The following WDR33 variants were observed in gnomAD, a reference collection of about 807,000 sequenced individuals.
WDR33 encodes the protein pre-mRNA 3' end processing protein WDR33.
WDR33 carries 47 observed loss-of-function variants against 164.9 expected under a neutral mutation model. That is an observed-to-expected ratio of 0.29 (90% confidence interval 0.23 to 0.36). WDR33 has a LOEUF of 0.36. Among genes scored for constraint, WDR33 ranks in the 10% least tolerant of loss-of-function variants. The pLI is 1.00. For synonymous variants in WDR33, 505 were observed against 589.0 expected (o/e 0.86, Z 2.06); for missense variants, 1,137 against 1,754.1 (o/e 0.65, Z 6.28).
chr2:127,716,256 G>C lies in WDR33; in HGVS notation c.2869+899C>G, dbSNP rs1233436892. On this transcript the variant is annotated intron_variant, in intron 17 of 21. Transcript: ENST00000322313. This position sits in a 1 kb window ranked among gnomAD's most constrained non-coding sequence, Gnocchi z 4.5. The stretch of plus-strand genomic sequence containing the variant: ...AGTCCTAGGGCTGTAATGCTGACAA[G>C]GACTTTTCTTAATTGGATAAAACGG... Among the ~76,000 whole-genome samples the C allele has an allele frequency of 6.6e-6, 1 of 152,128 alleles. No homozygotes were observed. The highest frequency in any genetic ancestry group is 1.5e-5 in the Non-Finnish European group (1 of 68,018).
Position 127,720,787 on chromosome 2 carries a change from T to C in WDR33, c.1672-434A>G, listed in dbSNP as rs1686419965. ...ATTGCCCAGGCTGATCTCAAACTCC[T>C]GGGTTCAGCTGATCCTCCCGCCTCG... On this transcript the variant is annotated intron_variant, in intron 15 of 21. Transcript: ENST00000322313. The surrounding 1 kb of genome is among the most constrained non-coding windows in gnomAD (Gnocchi z 5.9). Among the ~76,000 whole-genome samples the C allele has an allele frequency of 6.6e-6, 1 of 152,282 alleles. No homozygotes were observed. Among genetic ancestry groups the C allele is most frequent in the South Asian group, 2.1e-4 (1 of 4,828 alleles).
Position 127,701,852 on chromosome 2 carries a change from C to T in WDR33, c.*4471G>A, listed in dbSNP as rs1267651332. 6.9e-7 allele frequency: 1 copy of T among 1,458,916 alleles called. No homozygotes were observed. The highest frequency in any genetic ancestry group is 3.1e-5 in the East Asian group (1 of 32,490). The allele number at this position is 1,458,916 out of a possible 1,614,324, so 90.4% of individuals were successfully genotyped here. A position where few individuals can be genotyped will look rare whatever the true frequency, so the allele number is the denominator to read the frequency against. Reference sequence around the variant, plus strand: ...TGTTGCTGCTGCGCGCGCGCAAGTTCGCGCTGCTCTGGTCACTGGGCTCGG... The same window carrying T: ...TGTTGCTGCTGCGCGCGCGCAAGTTTGCGCTGCTCTGGTCACTGGGCTCGG... On this transcript the variant is annotated 3_prime_UTR_variant, in exon 22 of 22. Coordinates refer to ENST00000322313, the MANE Select transcript of WDR33 (RefSeq NM_018383.5).
intron 1 of WDR33, among the ~76,000 whole-genome samples, chr2:127,780,005 G>A (rs1235370691): frequency 1.4e-5 from 2 of 144,948 alleles, no homozygotes; most frequent in African/African-American, 2.6e-5. Context: ...ACGGAGTCTC[G>A]CTCTGTCGCC....
chr2:127,778,297 C>T (rs1171113411), intron 1 of WDR33, among the ~76,000 whole-genome samples: 2 of 151,836 alleles, frequency 1.3e-5, no homozygotes, highest in Admixed American at 1.3e-4. Flanking sequence ...ATTAGCTGGG[C>T]GTGGTGGCTG....
At position 127,713,433 on chromosome 2, in the gene WDR33, T is replaced by A. The variant is rs1033023571; in HGVS notation, c.3308+150A>T. The A allele has an allele frequency of 2.7e-5, 24 of 902,894 alleles. No individual in the cohort carries two copies. The highest frequency in any genetic ancestry group is 5.0e-5 in the African/African-American group (3 of 59,742). The allele number at this position is 902,894 out of a possible 1,614,324, so 55.9% of individuals were successfully genotyped here. ...CTAAGGTTAAAAAGCACACTTTTTTTAAACGTCCAAATGCAAACTCTACAG... is the reference window on the plus strand; with the variant it reads ...CTAAGGTTAAAAAGCACACTTTTTTAAAACGTCCAAATGCAAACTCTACAG... On this transcript the variant is annotated intron_variant, in intron 18 of 21. Coordinates refer to ENST00000322313, the MANE Select transcript of WDR33 (RefSeq NM_018383.5). The surrounding 1 kb of genome is among the most constrained non-coding windows in gnomAD (Gnocchi z 6.2).
chr2:127,709,365 A>T lies in WDR33; in HGVS notation c.3565+125T>A. The T allele has an allele frequency of 1.1e-6, 1 of 887,972 alleles. No homozygotes were observed. Among genetic ancestry groups the T allele is most frequent in the Non-Finnish European group, 1.8e-6 (1 of 554,982 alleles). The allele number at this position is 887,972 out of a possible 1,614,324, so 55.0% of individuals were successfully genotyped here. A position where few individuals can be genotyped will look rare whatever the true frequency, so the allele number is the denominator to read the frequency against. ...AAGTGCTGCGGCTGCAGGACAGGAGACAGCCCAGCCCCCCGGGAGACATGA... is the reference window on the plus strand; with the variant it reads ...AAGTGCTGCGGCTGCAGGACAGGAGTCAGCCCAGCCCCCCGGGAGACATGA... On this transcript the variant is annotated intron_variant, in intron 20 of 21. Transcript: ENST00000322313. This position sits in a 1 kb window ranked among gnomAD's most constrained non-coding sequence, Gnocchi z 5.0.
At position 127,764,354 on chromosome 2, in the gene WDR33, C is replaced by A; in HGVS notation, c.626+474G>T. The A allele has an allele frequency of 3.5e-6, 5 of 1,420,846 alleles. No homozygotes were observed. Among genetic ancestry groups the A allele is most frequent in the Non-Finnish European group, 3.7e-6 (4 of 1,089,216 alleles). 88.0% of individuals were successfully genotyped at this position (1,420,846 alleles called of 1,614,324 possible). A position where few individuals can be genotyped will look rare whatever the true frequency, so the allele number is the denominator to read the frequency against. ...TATCTGTGAGGGTTTTAGTCCTATA[C>A]TTTCCTTTGGAAGTCGTGGCATAAC... On this transcript the variant is annotated intron_variant, in intron 6 of 21. Coordinates refer to ENST00000322313, the MANE Select transcript of WDR33 (RefSeq NM_018383.5). The surrounding 1 kb of genome is among the most constrained non-coding windows in gnomAD (Gnocchi z 6.2).
At chr2:127,768,543 AAGTTAGTACAAGTACTAACCC>A (rs763211540) in intron 3 of WDR33, among the ~76,000 whole-genome samples, 12 of 152,334 alleles carry the variant, frequency 7.9e-5, no homozygotes, top group South Asian at 4.1e-4. Flanking sequence ...AACCCAGTAC[AAGTTAGTACAAGTACTAACCC>A]AGTTAGTACT....
intron 1 of WDR33, among the ~76,000 whole-genome samples, chr2:127,796,074 ATTT>A (rs11325131): frequency 7.9e-5 from 11 of 139,402 alleles, no homozygotes; most frequent in South Asian, 2.3e-4. Flanking sequence ...ATTACTGTTA[ATTT>A]TTTTTTTTTT....
rs55641967 is a variant in WDR33 at position 127,770,692 on chromosome 2, AAAAT to A, written c.204+82_204+85del. On this transcript the variant is annotated intron_variant, in intron 2 of 21. Coordinates refer to ENST00000322313, the MANE Select transcript of WDR33 (RefSeq NM_018383.5). This position sits in a 1 kb window ranked among gnomAD's most constrained non-coding sequence, Gnocchi z 4.9. ...GGCAACAAGAAAGAAACTCCATCTC[AAAAT>A]AAATAAATAAATAAATAAATAAATA... 201,671 of 580,560 alleles carry A rather than the reference AAAAT, an allele frequency of 0.35. 36,561 individuals are homozygous for A. The highest frequency in any genetic ancestry group is 0.49 in the East Asian group (9,612 of 19,550). 36.0% of individuals were successfully genotyped at this position (580,560 alleles called of 1,614,324 possible).
Position 127,750,459 on chromosome 2 carries a change from C to G in WDR33, c.724+12603G>C, listed in dbSNP as rs142880108. On this transcript the variant is annotated intron_variant, in intron 7 of 21. Coordinates refer to ENST00000322313, the MANE Select transcript of WDR33 (RefSeq NM_018383.5). ...GTTAGGAGCTCGAGACCAGCCTGGGCAACATGGTGAAACCCCATCGCTACT... is the reference window on the plus strand; with the variant it reads ...GTTAGGAGCTCGAGACCAGCCTGGGGAACATGGTGAAACCCCATCGCTACT... 7.7e-3 allele frequency among the ~76,000 whole-genome samples: 1,167 copies of G among 150,916 alleles called. 21 individuals carry two copies. The highest frequency in any genetic ancestry group is 0.026 in the African/African-American group (1,088 of 41,182).
At chr2:127,794,842 A>AG in intron 1 of WDR33, among the ~76,000 whole-genome samples, 1 of 147,324 alleles carries the variant, frequency 6.8e-6, no homozygotes, top group African/African-American at 2.6e-5. Flanking sequence ...TCAAAAAAAA[A>AG]AAAAAAAAAA....
At chr2:127,782,958 G>A (rs1047728542) in intron 1 of WDR33, among the ~76,000 whole-genome samples, 9 of 152,154 alleles carry the variant, frequency 5.9e-5, no homozygotes, top group African/African-American at 1.7e-4. Flanking sequence ...GCAGTGAGCC[G>A]AGATCATGCC....
At position 127,764,109 on chromosome 2, in the gene WDR33, CT is replaced by C; in HGVS notation, c.626+718del. 5.1e-6 allele frequency: 5 copies of C among 988,834 alleles called. No individual in the cohort carries two copies. Among genetic ancestry groups the C allele is most frequent in the Non-Finnish European group, 6.0e-6 (5 of 832,436 alleles). The allele number at this position is 988,834 out of a possible 1,614,324, so 61.3% of individuals were successfully genotyped here. A position where few individuals can be genotyped will look rare whatever the true frequency, so the allele number is the denominator to read the frequency against. The stretch of plus-strand genomic sequence containing the variant: ...CAATTCTTCAGGCTTGTATTTGGAA[CT>C]TTTTCCCCCAGTTTTACTATACATA... On this transcript the variant is annotated intron_variant, in intron 6 of 21. Transcript: ENST00000322313. This position sits in a 1 kb window ranked among gnomAD's most constrained non-coding sequence, Gnocchi z 6.2.
intron 1 of WDR33, among the ~76,000 whole-genome samples, chr2:127,794,650 T>G (rs894798475): frequency 1.3e-5 from 2 of 151,438 alleles, no homozygotes; most frequent in African/African-American, 4.9e-5. Flanking sequence ...CCGGCCAATA[T>G]GGTGAAACCC....
Position 127,709,699 on chromosome 2 carries a change from G to A in WDR33, c.3466C>T (p.Pro1156Ser). The A allele has an allele frequency of 1.2e-6, 2 of 1,614,170 alleles. No individual in the cohort carries two copies. Among genetic ancestry groups the A allele is most frequent in the Non-Finnish European group, 1.7e-6 (2 of 1,180,032 alleles). The change falls in exon 19 of 22, where the codon CCA (proline) becomes TCA (serine). Residue 1156 changes from proline (P) to serine (S), a missense_variant. Transcript: ENST00000322313. This position sits in a 1 kb window ranked among gnomAD's most constrained non-coding sequence, Gnocchi z 5.0. ...RDLRGRGRGTPRGGRKGLLPT... is the reference protein window; with the variant it reads ...RDLRGRGRGTSRGGRKGLLPT... Reference sequence around the variant, plus strand: ...TCTTTAGTAACTCGCTCACCTCGTGGGGTACCCCGACCTCGACCTCTGAGA... The same window carrying A: ...TCTTTAGTAACTCGCTCACCTCGTGAGGTACCCCGACCTCGACCTCTGAGA...
rs540807017 is a variant in WDR33 at position 127,767,323 on chromosome 2, G to A, written c.378+866C>T. On this transcript the variant is annotated intron_variant, in intron 4 of 21. Transcript: ENST00000322313. ...GCATTAGCTAGGAAATGGAATAATC[G>A]AAACACAAAGAAGAAAATGATTACA... Among the ~76,000 whole-genome samples, 4 of 152,084 alleles carry A rather than the reference G, an allele frequency of 2.6e-5. No individual in the cohort carries two copies. In the East Asian group the frequency reaches 5.8e-4, roughly 22 times the overall value.
At chr2:127,810,158 G>T (rs576217962) in intron 1 of WDR33, among the ~76,000 whole-genome samples, 1 of 152,234 alleles carries the variant, frequency 6.6e-6, no homozygotes, top group African/African-American at 2.4e-5. Context: ...GTTCCTTTCA[G>T]TGCAGGCTTT....
In WDR33 at chr2:127,706,628, C is replaced by T. The variant is rs1482348495; in HGVS notation, c.3782-76G>A. ...TCAGTAACTCCCAGTACAAACTTTA[C>T]TCTCTGATGACAATGGACCAGTTCT... is the stretch of plus-strand genomic sequence containing the variant. On this transcript the variant is annotated intron_variant, in intron 21 of 21. Coordinates refer to ENST00000322313, the MANE Select transcript of WDR33 (RefSeq NM_018383.5). This position sits in a 1 kb window ranked among gnomAD's most constrained non-coding sequence, Gnocchi z 5.1. The T allele has an allele frequency of 3.7e-6, 5 of 1,360,974 alleles. No homozygotes were observed. The highest frequency in any genetic ancestry group is 1.0e-6 in the Non-Finnish European group (1 of 989,044). 84.3% of individuals were successfully genotyped at this position (1,360,974 alleles called of 1,614,324 possible). A position where few individuals can be genotyped will look rare whatever the true frequency, so the allele number is the denominator to read the frequency against.
Sources: allele counts gnomAD v4.1 joint callset (sites outside exome capture counted in the v4.1 genomes callset), GRCh38; gene constraint gnomAD v4.1.1; non-coding constraint Gnocchi (gnomAD v3.1); transcripts MANE v1.5; gene names NCBI Gene and HGNC (gene_info 2026-07-23, HGNC 2026-07-21).